The following DENND5B variants were observed in gnomAD, a reference collection of about 807,000 sequenced individuals.
The protein encoded by DENND5B is DENN domain-containing protein 5B.
DENND5B carries 34 observed loss-of-function variants against 140.6 expected under a neutral mutation model. The observed-to-expected ratio is 0.24, with a 90% CI of 0.18 to 0.32. DENND5B has a LOEUF of 0.32. Ranked by LOEUF, DENND5B falls within the 10% of genes least tolerant of loss-of-function variation. The probability of loss-of-function intolerance (pLI) is 1.00; values close to 1 mark genes in which losing one functional copy is unlikely to be tolerated. For synonymous variants in DENND5B, 551 were observed against 562.1 expected, an observed-to-expected ratio of 0.98 and a Z score of 0.28; for missense variants, 1,142 against 1,560.2, an observed-to-expected ratio of 0.73 and a Z score of 4.52.
chr12:31,544,606 T>C (rs1373113408), intron 1 of DENND5B, among the ~76,000 whole-genome samples: 2 of 151,966 alleles, frequency 1.3e-5, no homozygotes, highest in Non-Finnish European at 2.9e-5. Flanking sequence ...AATCTATGAA[T>C]ATGAATAGAG....
chr12:31,578,092 A>G (rs1257764045), intron 1 of DENND5B, among the ~76,000 whole-genome samples: 1 of 139,212 alleles, frequency 7.2e-6, no homozygotes, highest in East Asian at 2.1e-4. Flanking sequence ...ATGCCACTGC[A>G]CTCCAGCCTG....
intron 1 of DENND5B, among the ~76,000 whole-genome samples, chr12:31,536,148 TG>T (rs1243230260): frequency 6.6e-6 from 1 of 152,178 alleles, no homozygotes; most frequent in Non-Finnish European, 1.5e-5. Flanking sequence ...GTCGAGCAGA[TG>T]TCAGAATCAC....
chr12:31,437,030 A>G lies in DENND5B; in HGVS notation c.2013-3782T>C, dbSNP rs1404050142. ...CCTGTACGCCTCAATTATAGTATCTATCACAGAGTATTATAGTTACTTATC... is the reference window on the plus strand; with the variant it reads ...CCTGTACGCCTCAATTATAGTATCTGTCACAGAGTATTATAGTTACTTATC... On this transcript the variant is annotated intron_variant, in intron 7 of 20. Transcript: ENST00000389082. Among the ~76,000 whole-genome samples, 5 of 152,198 alleles carry G rather than the reference A, an allele frequency of 3.3e-5. No homozygotes were observed. The East Asian group carries it at 9.6e-4, about 29-fold the overall frequency.
At chr12:31,473,526 G>A (rs2138447515) in intron 3 of DENND5B, among the ~76,000 whole-genome samples, 1 of 152,300 alleles carries the variant, frequency 6.6e-6, no homozygotes, top group East Asian at 1.9e-4. Context: ...GAACCGAGAA[G>A]CTGGAGCACT....
At position 31,479,770 on chromosome 12, in the gene DENND5B, T is replaced by C; in HGVS notation, c.723A>G (p.Pro241=). Residue 241 remains proline (P), a synonymous_variant, in exon 3 of 21, where the codon CCA becomes CCG. Transcript: ENST00000389082. ...NILYEVPLPP[P]GRSLKFYGVY... ...CACCATAAAATTTCAGTGACCTCCC[T>C]GGAGGTGGAAGGGGTACTTCATAAA... is the stretch of plus-strand genomic sequence containing the variant. The C allele has an allele frequency of 1.2e-6, 2 of 1,609,270 alleles. No homozygotes were observed. The highest frequency in any genetic ancestry group is 1.7e-6 in the Non-Finnish European group (2 of 1,177,700).
At position 31,583,602 on chromosome 12, in the gene DENND5B, T is replaced by C. The variant is rs1166031276; in HGVS notation, c.127+7104A>G. ...CTGAGGCACGAGAATCACTTAAACCTGGGAGGCAGAGGTTGCAGTGAGCCG... is the reference window on the plus strand; with the variant it reads ...CTGAGGCACGAGAATCACTTAAACCCGGGAGGCAGAGGTTGCAGTGAGCCG... On this transcript the variant is annotated intron_variant, in intron 1 of 20. Transcript: ENST00000389082. Among the ~76,000 whole-genome samples the C allele has an allele frequency of 2.0e-5, 3 of 151,858 alleles. No homozygotes were observed. The East Asian group carries it at 5.8e-4, about 29-fold the overall frequency.
intron 1 of DENND5B, among the ~76,000 whole-genome samples, chr12:31,579,625 CACTCT>C: frequency 1.3e-5 from 2 of 151,898 alleles, no homozygotes; most frequent in Non-Finnish European, 2.9e-5. Context: ...TGCGCCACTG[CACTCT>C]AGCCTGGGTT....
chr12:31,420,024 C>T, intron 11 of DENND5B: 1 of 981,504 alleles, frequency 1.0e-6, no homozygotes, highest in Non-Finnish European at 1.2e-6. Context: ...CCACTCCCTT[C>T]AGTGGAAGGG....
Position 31,409,363 on chromosome 12 carries a change from A to C in DENND5B, c.2703T>G (p.Ala901=). The change falls in exon 14 of 21, where the codon GCT becomes GCG. Residue 901 remains alanine, a synonymous_variant. Transcript: ENST00000389082. ...PLTKKLYKRY[A]FLRCEEEREQ... is the part of the protein sequence containing the mutation. ...CTCTTTCTTCTTCGCAACGTAGAAA[A>C]GCATATCGCTTATAAAGCTTCCTAG... The C allele has an allele frequency of 1.3e-6, 2 of 1,561,150 alleles. No homozygotes were observed. Among genetic ancestry groups the C allele is most frequent in the Middle Eastern group, 3.3e-4 (2 of 6,006 alleles).
At chr12:31,486,535 T>C (rs1180224961) in intron 2 of DENND5B, among the ~76,000 whole-genome samples, 1 of 152,208 alleles carries the variant, frequency 6.6e-6, no homozygotes, top group African/African-American at 2.4e-5. Flanking sequence ...GTCACAACCA[T>C]CCACTTATGC....
At chr12:31,526,239 T>G (rs907351038) in intron 1 of DENND5B, among the ~76,000 whole-genome samples, 1 of 152,152 alleles carries the variant, frequency 6.6e-6, no homozygotes, top group Non-Finnish European at 1.5e-5. Flanking sequence ...ACAGGGTAGG[T>G]ACCTAACACG....
At chr12:31,461,173 G>A (rs1240279797) in intron 3 of DENND5B, among the ~76,000 whole-genome samples, 1 of 152,070 alleles carries the variant, frequency 6.6e-6, no homozygotes, top group Admixed American at 6.6e-5. Context: ...TCCATCAGAG[G>A]CTTTTTTCTT....
chr12:31,498,453 C>G (rs917743295), intron 1 of DENND5B, among the ~76,000 whole-genome samples: 2 of 151,912 alleles, frequency 1.3e-5, no homozygotes, highest in Admixed American at 6.6e-5. Flanking sequence ...AGAAGGAAAC[C>G]ACCTCCAGAA....
rs774794534 is a variant in DENND5B, at chr12:31,386,410, T to C, written c.*1193A>G. 18 of 152,850 alleles carry C rather than the reference T, an allele frequency of 1.2e-4. No individual in the cohort carries two copies. Among genetic ancestry groups the C allele is most frequent in the Middle Eastern group, 4.1e-3 (2 of 488 alleles). The allele number at this position is 152,850 out of a possible 1,614,324, so 9.5% of individuals were successfully genotyped here. Reference sequence around the variant, plus strand: ...GCCACCTCTTGCTTTGCTTCCATTTTGTCAGCCTGTGCTGCCAGTGGCTTT... The same window carrying C: ...GCCACCTCTTGCTTTGCTTCCATTTCGTCAGCCTGTGCTGCCAGTGGCTTT... On this transcript the variant is annotated 3_prime_UTR_variant, in exon 21 of 21. Coordinates refer to ENST00000389082, the MANE Select transcript of DENND5B (RefSeq NM_144973.4).
intron 1 of DENND5B, among the ~76,000 whole-genome samples, chr12:31,564,177 G>A (rs906179637): frequency 1.3e-5 from 2 of 152,070 alleles, no homozygotes; most frequent in Non-Finnish European, 2.9e-5. Flanking sequence ...ATAATTCAGA[G>A]ATAAAATATT....
intron 1 of DENND5B, among the ~76,000 whole-genome samples, chr12:31,558,046 C>T (rs998276905): frequency 6.6e-6 from 1 of 152,028 alleles, no homozygotes; most frequent in Admixed American, 6.6e-5. Flanking sequence ...GAGATCCCGT[C>T]TCTTAGAAAA....
chr12:31,539,426 A>G (rs964482928), intron 1 of DENND5B, among the ~76,000 whole-genome samples: 3 of 152,060 alleles, frequency 2.0e-5, no homozygotes, highest in Non-Finnish European at 4.4e-5. Flanking sequence ...ATATTAAAAG[A>G]AAAAAAATTA....
At chr12:31,567,427 C>T (rs924529180) in intron 1 of DENND5B, among the ~76,000 whole-genome samples, 1 of 151,162 alleles carries the variant, frequency 6.6e-6, no homozygotes, top group Admixed American at 6.6e-5. Context: ...CAGAATGTTG[C>T]CTTCTAATTT....
intron 14 of DENND5B, among the ~76,000 whole-genome samples, chr12:31,403,952 C>T (rs911257764): frequency 2.1e-5 from 3 of 146,056 alleles, no homozygotes; most frequent in Non-Finnish European, 4.5e-5. Flanking sequence ...CACGGGGGCT[C>T]ATGTCTGTAA....
Sources: allele counts gnomAD v4.1 joint callset (sites outside exome capture counted in the v4.1 genomes callset), GRCh38; gene constraint gnomAD v4.1.1; transcripts MANE v1.5; gene names NCBI Gene and HGNC (gene_info 2026-07-23, HGNC 2026-07-21).